The following ASTN1 variants were observed in gnomAD, a reference collection of about 807,000 sequenced individuals.
ASTN1 encodes astrotactin 1, also known as astrotactin-1.
ASTN1 carries 41 observed loss-of-function variants against 140.7 expected under a neutral mutation model. The ratio of observed to expected loss-of-function variants is 0.29; its 90% CI spans 0.23 to 0.38. The LOEUF (loss-of-function observed/expected upper bound fraction) is 0.38, where lower values mean the gene tolerates loss of function less well. Ranked by LOEUF, ASTN1 falls within the 10% of genes least tolerant of loss-of-function variation. The pLI, the probability that ASTN1 is intolerant of heterozygous loss-of-function variation, is 1.00. For synonymous variants in ASTN1, 640 were observed against 652.2 expected, an observed-to-expected ratio of 0.98 and a Z score of 0.29; for missense variants, 1,479 against 1,678.8, an observed-to-expected ratio of 0.88 and a Z score of 2.08.
At position 176,861,222 on chromosome 1, in the gene ASTN1, G is replaced by GT. The variant is rs1209629516; in HGVS notation, c.*3061dup. The GT allele has an allele frequency of 1.7e-5, 17 of 979,676 alleles. No homozygotes were observed. The highest frequency in any genetic ancestry group is 2.1e-5 in the Non-Finnish European group (17 of 824,574). The allele number at this position is 979,676 out of a possible 1,614,324, so 60.7% of individuals were successfully genotyped here. ...AGTAAAGTGTTTTTCTTCATACTCA[G>GT]TTTTTTTAATAGAACATTTGAATAT... On this transcript the variant is annotated 3_prime_UTR_variant, in exon 23 of 23. Transcript: ENST00000361833.
intron 1 of ASTN1, among the ~76,000 whole-genome samples, chr1:177,068,570 T>C (rs1048673169): frequency 6.6e-6 from 1 of 151,926 alleles, no homozygotes; most frequent in Admixed American, 6.6e-5. Context: ...AGAATGGGAG[T>C]GTTGTAAGCT....
At chr1:176,894,148 TG>T (rs1669389224) in intron 17 of ASTN1, among the ~76,000 whole-genome samples, 1 of 152,150 alleles carries the variant, frequency 6.6e-6, no homozygotes, top group Admixed American at 6.5e-5. Context: ...CAGCTGCAGC[TG>T]GGCCAGGCTA....
intron 1 of ASTN1, among the ~76,000 whole-genome samples, chr1:177,114,491 T>C (rs955354280): frequency 6.6e-6 from 1 of 152,144 alleles, no homozygotes; most frequent in Non-Finnish European, 1.5e-5. Flanking sequence ...TATGCAGTTA[T>C]AAAAAGTAAT....
chr1:176,901,141 G>A (rs527823232), intron 16 of ASTN1, among the ~76,000 whole-genome samples: 1 of 152,178 alleles, frequency 6.6e-6, no homozygotes, highest in Non-Finnish European at 1.5e-5. Context: ...TTTAAGAAGA[G>A]GGGCATCAAT....
intron 8 of ASTN1, among the ~76,000 whole-genome samples, chr1:176,991,514 C>T (rs1319979004): frequency 1.4e-5 from 2 of 139,606 alleles, no homozygotes; most frequent in Non-Finnish European, 3.1e-5. Flanking sequence ...CTGTCCAAAG[C>T]TGGAAAGAAA....
At chr1:176,911,534 T>G (rs971667369) in intron 16 of ASTN1, among the ~76,000 whole-genome samples, 4 of 152,132 alleles carry the variant, frequency 2.6e-5, no homozygotes, top group African/African-American at 7.2e-5. Context: ...TTTTAAATTT[T>G]TATTTTTTTA....
At chr1:176,949,110 C>T (rs1672077467) in intron 12 of ASTN1, 75 bp downstream of exon 12, 10 of 1,576,912 alleles carry the variant, frequency 6.3e-6, no homozygotes, top group Non-Finnish European at 7.8e-6. Flanking sequence ...ACTCACATTT[C>T]CTGGATTTAG....
chr1:177,035,259 T>C (rs1444153406), intron 2 of ASTN1, among the ~76,000 whole-genome samples: 1 of 152,172 alleles, frequency 6.6e-6, no homozygotes, highest in Middle Eastern at 3.2e-3. Flanking sequence ...TCTTAAGCAC[T>C]AGCCTGCAGT....
intron 1 of ASTN1, among the ~76,000 whole-genome samples, chr1:177,108,210 G>A (rs1310827985): frequency 6.6e-6 from 1 of 151,782 alleles, no homozygotes; most frequent in Admixed American, 6.6e-5. Context: ...TTAGCTGGGC[G>A]TGGTGGTGCA....
At chr1:177,048,165 G>C (rs966604792) in intron 2 of ASTN1, among the ~76,000 whole-genome samples, 2 of 152,204 alleles carry the variant, frequency 1.3e-5, no homozygotes, top group Non-Finnish European at 2.9e-5. Flanking sequence ...GCGGCCGCCA[G>C]AGGGGCTCAG....
chr1:177,087,986 A>C (rs866477707), intron 1 of ASTN1, among the ~76,000 whole-genome samples: 2 of 152,162 alleles, frequency 1.3e-5, no homozygotes, highest in Non-Finnish European at 1.5e-5. Flanking sequence ...CCTGGGATTT[A>C]CTGAGCTGTT....
At chr1:177,136,294 A>G (rs1682193148) in intron 1 of ASTN1, among the ~76,000 whole-genome samples, 1 of 151,106 alleles carries the variant, frequency 6.6e-6, no homozygotes, top group African/African-American at 2.4e-5. Context: ...TAGTCTCTAC[A>G]TGTTTCAAAG....
intron 11 of ASTN1, among the ~76,000 whole-genome samples, chr1:176,951,621 T>C (rs1672194869): frequency 6.6e-6 from 1 of 152,220 alleles, no homozygotes; most frequent in African/African-American, 2.4e-5. Flanking sequence ...CAAGCATGAT[T>C]TTTGACAAAG....
chr1:177,033,206 A>G (rs1676539128), intron 2 of ASTN1, among the ~76,000 whole-genome samples: 1 of 150,164 alleles, frequency 6.7e-6, no homozygotes, highest in African/African-American at 2.5e-5. Flanking sequence ...TATTAAGTTA[A>G]ATCTGCCACA....
chr1:177,126,243 C>A (rs973483302), intron 1 of ASTN1, among the ~76,000 whole-genome samples: 2 of 152,144 alleles, frequency 1.3e-5, no homozygotes, highest in African/African-American at 2.4e-5. Flanking sequence ...AGACCCTCAG[C>A]TGCTTGCTCC....
At chr1:177,045,893 G>T (rs12117482) in intron 2 of ASTN1, among the ~76,000 whole-genome samples, 84,331 of 151,920 alleles carry the variant, frequency 0.56, 23,847 homozygotes, top group Non-Finnish European at 0.61. Flanking sequence ...TATATCTACA[G>T]ACATGTAGCT....
chr1:177,110,449 T>C (rs1283535929), intron 1 of ASTN1, among the ~76,000 whole-genome samples: 1 of 152,028 alleles, frequency 6.6e-6, no homozygotes, highest in African/African-American at 2.4e-5. Flanking sequence ...TGAGTAAGAG[T>C]ATCAAAAATA....
intron 7 of ASTN1, among the ~76,000 whole-genome samples, chr1:177,017,338 C>T (rs1469198541): frequency 6.6e-6 from 1 of 152,158 alleles, no homozygotes; most frequent in African/African-American, 2.4e-5. Context: ...CAAAATTTGC[C>T]TCTCACAGGA....
At chr1:176,925,505 C>T (rs916366887) in intron 16 of ASTN1, among the ~76,000 whole-genome samples, 6 of 152,180 alleles carry the variant, frequency 3.9e-5, no homozygotes, top group South Asian at 2.1e-4. Context: ...TTAAGAAGCA[C>T]TGTTGGATAA....
Sources: allele counts gnomAD v4.1 joint callset (sites outside exome capture counted in the v4.1 genomes callset), GRCh38; gene constraint gnomAD v4.1.1; transcripts MANE v1.5; gene names NCBI Gene and HGNC (gene_info 2026-07-23, HGNC 2026-07-21).